Variants in UNC13C observed in about 807,000 individuals in gnomAD.
UNC13C encodes the protein protein unc-13 homolog C.
In UNC13C, 174 loss-of-function variants were observed where a neutral mutation model predicts 245.4. The ratio of observed to expected loss-of-function variants is 0.71; its 90% CI spans 0.63 to 0.80. UNC13C has a LOEUF of 0.80. Ranked by LOEUF, UNC13C falls within the 30% of genes least tolerant of loss-of-function variation. The pLI is 0.00. For synonymous variants in UNC13C, 992 were observed against 895.1 expected, an observed-to-expected ratio of 1.11 and a Z score of -1.93; for missense variants, 2,829 against 2,602.9, an observed-to-expected ratio of 1.09 and a Z score of -1.89.
intron 13 of UNC13C, among the ~76,000 whole-genome samples, chr15:54,303,612 G>A (rs1222393973): frequency 7.1e-6 from 1 of 140,066 alleles, no homozygotes; most frequent in Non-Finnish European, 1.5e-5. Context: ...CTAAGTAAAA[G>A]ATAAGTATTT....
At chr15:54,150,418 C>A (rs1864421) in intron 4 of UNC13C, among the ~76,000 whole-genome samples, 41,843 of 152,102 alleles carry the variant, frequency 0.28, 5,848 homozygotes, top group South Asian at 0.35. Context: ...CCTGTTAGTC[C>A]TCAGCACACT....
chr15:53,965,483 T>C, the UNC13C span, among the ~76,000 whole-genome samples: 1 of 151,864 alleles, frequency 6.6e-6, no homozygotes, highest in African/African-American at 2.4e-5. Context: ...AGAATCCAAA[T>C]AATATTTAAA....
chr15:54,203,886 GTATATGTATATGTGTGTGTATATACA>G (rs1364582561), intron 4 of UNC13C, among the ~76,000 whole-genome samples: 1 of 101,580 alleles, frequency 9.8e-6, no homozygotes, highest in African/African-American at 3.1e-5. Context: ...ATACACATGT[GTATATGTATATGTGTGTGTATATACA>G]TATATGTATA....
At position 54,237,642 on chromosome 15, in the gene UNC13C, A is replaced by T. The variant is rs1382013167; in HGVS notation, c.3180A>T (p.Gly1060=). ...VAMTLAARKS[G]LSLAMVIRTS... Reference sequence around the variant, plus strand: ...AGACCCTGGCTGCCCGGAAATCTGGACTCTCCCTGGCTATGGTGATTAGGA... The same window carrying T: ...AGACCCTGGCTGCCCGGAAATCTGGTCTCTCCCTGGCTATGGTGATTAGGA... Residue 1060 remains glycine, a synonymous_variant, in exon 7 of 33, where the codon GGA becomes GGT. Transcript: ENST00000260323. 6.2e-7 allele frequency: 1 copy of T among 1,612,340 alleles called. No homozygotes were observed. The highest frequency in any genetic ancestry group is 1.7e-5 in the Admixed American group (1 of 59,860).
chr15:54,602,616 C>G (rs1899500530), intron 30 of UNC13C, among the ~76,000 whole-genome samples: 1 of 151,896 alleles, frequency 6.6e-6, no homozygotes, highest in Admixed American at 6.6e-5. Flanking sequence ...GTATTTTAAC[C>G]TTTATTGTAA....
At chr15:53,987,424 G>C (rs985514619) in intron 1 of UNC13C, among the ~76,000 whole-genome samples, 1 of 152,002 alleles carries the variant, frequency 6.6e-6, no homozygotes, top group East Asian at 1.9e-4. Context: ...ACAGAAAAGA[G>C]ATTGCAGTGA....
chr15:53,849,762 T>C, the UNC13C span, among the ~76,000 whole-genome samples: 1 of 152,164 alleles, frequency 6.6e-6, no homozygotes, highest in African/African-American at 2.4e-5. Flanking sequence ...AGGGCAACCC[T>C]TGTGCTTCCA....
At chr15:54,411,577 A>C (rs2040416971) in intron 18 of UNC13C, among the ~76,000 whole-genome samples, 1 of 152,190 alleles carries the variant, frequency 6.6e-6, no homozygotes, top group African/African-American at 2.4e-5. Context: ...CAAGTATTTT[A>C]GCATCTCTTG....
rs192452718 is a variant in UNC13C at position 54,190,411 on chromosome 15, G to T, written c.3072-44619G>T. On this transcript the variant is annotated intron_variant, in intron 4 of 32. Transcript: ENST00000260323. ...CACCCATCCCTTTTCCTTAGGGAGA[G>T]CTCACTTTACCCATTTAATTTTGTA... is the stretch of plus-strand genomic sequence containing the variant. 1.7e-4 allele frequency among the ~76,000 whole-genome samples: 26 copies of T among 152,150 alleles called. No homozygotes were observed. The East Asian group carries it at 5.0e-3, about 29-fold the overall frequency.
rs1019461293 is a variant in UNC13C, at chr15:54,599,424, T to C, written c.6107-22903T>C. Among the ~76,000 whole-genome samples the C allele has an allele frequency of 1.1e-4, 16 of 152,232 alleles. No homozygotes were observed. In the East Asian group the frequency reaches 3.1e-3, roughly 29 times the overall value. On this transcript the variant is annotated intron_variant, in intron 30 of 32. Coordinates refer to ENST00000260323, the MANE Select transcript of UNC13C (RefSeq NM_001080534.3). ...GTTTGTGTCTTGTACAAGCCTGCAGTGTAATCTCTATTTCTTCAGTATCTG... is the reference window on the plus strand; with the variant it reads ...GTTTGTGTCTTGTACAAGCCTGCAGCGTAATCTCTATTTCTTCAGTATCTG...
intron 7 of UNC13C, among the ~76,000 whole-genome samples, chr15:54,241,284 T>A (rs1337313795): frequency 6.6e-6 from 1 of 152,094 alleles, no homozygotes; most frequent in Non-Finnish European, 1.5e-5. Context: ...GATTCAGACT[T>A]CGTGAAAGGG....
intron 19 of UNC13C, among the ~76,000 whole-genome samples, chr15:54,416,023 A>G (rs1410758145): frequency 6.6e-6 from 1 of 152,202 alleles, no homozygotes; most frequent in South Asian, 2.1e-4. Flanking sequence ...CACAAGGTGC[A>G]TTTGAGAAGA....
chr15:54,345,949 A>C (rs2038850498), intron 17 of UNC13C, among the ~76,000 whole-genome samples: 1 of 152,126 alleles, frequency 6.6e-6, no homozygotes, highest in South Asian at 2.1e-4. Flanking sequence ...CCCTTCTCCA[A>C]ACTTCCCTCC....
chr15:54,405,970 A>T (rs1196589160), intron 18 of UNC13C, among the ~76,000 whole-genome samples: 6 of 139,998 alleles, frequency 4.3e-5, no homozygotes, highest in African/African-American at 1.6e-4. Context: ...TTTACAGTAA[A>T]GAGATGCTAT....
chr15:53,967,149 T>A, the UNC13C span, among the ~76,000 whole-genome samples: 1 of 152,072 alleles, frequency 6.6e-6, no homozygotes, highest in Non-Finnish European at 1.5e-5. Context: ...AACTATGAAC[T>A]ATTAGGTTAC....
chr15:53,951,069 G>T, the UNC13C span, among the ~76,000 whole-genome samples: 1 of 152,146 alleles, frequency 6.6e-6, no homozygotes, highest in South Asian at 2.1e-4. Flanking sequence ...TAAAATATGA[G>T]CAGTAAATTC....
At chr15:54,149,020 G>A (rs879304128) in intron 4 of UNC13C, among the ~76,000 whole-genome samples, 4 of 152,118 alleles carry the variant, frequency 2.6e-5, no homozygotes, top group Middle Eastern at 3.2e-3. Flanking sequence ...TTGGATCATG[G>A]GGGGCAGTTT....
chr15:54,521,392 A>G (rs373240076), intron 24 of UNC13C, among the ~76,000 whole-genome samples: 109 of 152,306 alleles, frequency 7.2e-4, no homozygotes, highest in African/African-American at 2.6e-3. Flanking sequence ...AAGAAATAAA[A>G]TTCACACTAA....
At chr15:54,353,850 C>T (rs2140848282) in intron 17 of UNC13C, among the ~76,000 whole-genome samples, 1 of 152,270 alleles carries the variant, frequency 6.6e-6, no homozygotes, top group East Asian at 1.9e-4. Context: ...AGCTACACCG[C>T]TTCACACACA....
Sources: allele counts gnomAD v4.1 joint callset (sites outside exome capture counted in the v4.1 genomes callset), GRCh38; gene constraint gnomAD v4.1.1; transcripts MANE v1.5; gene names NCBI Gene and HGNC (gene_info 2026-07-23, HGNC 2026-07-21).